EDIL3: variants seen among roughly 807,000 people sequenced by gnomAD.
The protein encoded by EDIL3 is EGF like and discoidin domains 3.
A neutral mutation model predicts 67.4 loss-of-function variants in EDIL3; 37 were observed. The ratio of observed to expected loss-of-function variants is 0.55; its 90% CI spans 0.42 to 0.72. The LOEUF is 0.72. Ranked by LOEUF, EDIL3 falls within the 30% of genes least tolerant of loss-of-function variation. The pLI, the probability that EDIL3 is intolerant of heterozygous loss-of-function variation, is 0.00. For synonymous variants in EDIL3, 195 were observed against 196.3 expected, an observed-to-expected ratio of 0.99 and a Z score of 0.05; for missense variants, 527 against 586.3, an observed-to-expected ratio of 0.90 and a Z score of 1.04.
At chr5:84,066,134 G>T (rs1164877416) in intron 7 of EDIL3, among the ~76,000 whole-genome samples, 1 of 142,598 alleles carries the variant, frequency 7.0e-6, no homozygotes, top group East Asian at 2.0e-4. Context: ...AAAAAAAAAA[G>T]TGCGTTAATC....
intron 6 of EDIL3, among the ~76,000 whole-genome samples, 199 bp from the exon 7 acceptor site, chr5:84,066,805 T>G (rs542833293): frequency 6.6e-6 from 1 of 152,342 alleles, no homozygotes; most frequent in African/African-American, 2.4e-5. Context: ...AATACTATTT[T>G]TAAGTAAACA....
At chr5:83,961,671 TA>T (rs1034947892) in intron 10 of EDIL3, among the ~76,000 whole-genome samples, 13 of 151,236 alleles carry the variant, frequency 8.6e-5, no homozygotes, top group African/African-American at 3.1e-4. Context: ...TTATGAAGTT[TA>T]AAAAAATTCA....
Position 84,064,792 on chromosome 5 carries a change from G to T in EDIL3, c.860C>A (p.Pro287His). 4 of 1,613,482 alleles carry T rather than the reference G, an allele frequency of 2.5e-6. No homozygotes were observed. The highest frequency in any genetic ancestry group is 3.4e-6 in the Non-Finnish European group (4 of 1,179,648). The change falls in exon 8 of 11, where the codon CCC becomes CAC. Residue 287 changes from proline to histidine, a missense_variant. Coordinates refer to ENST00000296591, the MANE Select transcript of EDIL3 (RefSeq NM_005711.5). ...TCTTACATACTGAGCTTTTATGGGGGGTGTGAAAGAGTTAGCATATGGAGT... is the reference window on the plus strand; with the variant it reads ...TCTTACATACTGAGCTTTTATGGGGTGTGTGAAAGAGTTAGCATATGGAGT... ...NNTPYANSFTPPIKAQYVRLY... is the reference protein window; with the variant it reads ...NNTPYANSFTHPIKAQYVRLY...
At chr5:84,029,591 C>G (rs1745880734) in intron 9 of EDIL3, among the ~76,000 whole-genome samples, 1 of 152,092 alleles carries the variant, frequency 6.6e-6, no homozygotes, top group South Asian at 2.1e-4. Context: ...ATGCTTTTAT[C>G]AAAGGGAGTA....
chr5:84,170,509 A>T (rs533548438), intron 4 of EDIL3, among the ~76,000 whole-genome samples: 1 of 152,218 alleles, frequency 6.6e-6, no homozygotes, highest in African/African-American at 2.4e-5. Flanking sequence ...AAAAATAGTA[A>T]GTAAGCTCTC....
At chr5:84,294,188 C>G (rs1745989150) in intron 1 of EDIL3, among the ~76,000 whole-genome samples, 1 of 150,326 alleles carries the variant, frequency 6.7e-6, no homozygotes, top group African/African-American at 2.5e-5. Context: ...TCGAGACCAT[C>G]CTGGCTAACA....
At chr5:84,112,956 A>T (rs1488981730) in intron 5 of EDIL3, among the ~76,000 whole-genome samples, 1 of 152,198 alleles carries the variant, frequency 6.6e-6, no homozygotes, top group African/African-American at 2.4e-5. Context: ...TTACACTTAC[A>T]TGCTCTCAAA....
chr5:84,034,543 C>T lies in EDIL3; in HGVS notation c.1137+25757G>A, dbSNP rs148540127. Among the ~76,000 whole-genome samples the T allele has an allele frequency of 2.1e-3, 324 of 152,280 alleles. 3 individuals carry two copies. The highest frequency in any genetic ancestry group is 7.5e-3 in the African/African-American group (311 of 41,550). On this transcript the variant is annotated intron_variant, in intron 9 of 10. Coordinates refer to ENST00000296591, the MANE Select transcript of EDIL3 (RefSeq NM_005711.5). ...CTGCAAAAAACAAATCTGTCTTCGA[C>T]CCATCTTAGAATGGCCCTTGCTATA...
At chr5:84,277,901 C>T (rs897250942) in intron 1 of EDIL3, among the ~76,000 whole-genome samples, 2 of 151,982 alleles carry the variant, frequency 1.3e-5, no homozygotes, top group African/African-American at 4.8e-5. Flanking sequence ...GTCCTTTTAC[C>T]GTAGTATACC....
rs1009441009 is a variant in EDIL3, at chr5:84,384,615, G to A, written c.-241C>T. 6 of 325,428 alleles carry A rather than the reference G, an allele frequency of 1.8e-5. No individual in the cohort carries two copies. Among genetic ancestry groups the A allele is most frequent in the Non-Finnish European group, 3.3e-5 (6 of 180,358 alleles). The allele number at this position is 325,428 out of a possible 1,614,324, so 20.2% of individuals were successfully genotyped here. A position where few individuals can be genotyped will look rare whatever the true frequency, so the allele number is the denominator to read the frequency against. ...GCGCGCGGAGGTGGGTGAGCTCCGGGGAGCCGCCGGCGGGCTCAGCCCTCC... is the reference window on the plus strand; with the variant it reads ...GCGCGCGGAGGTGGGTGAGCTCCGGAGAGCCGCCGGCGGGCTCAGCCCTCC... On this transcript the variant is annotated 5_prime_UTR_variant, in exon 1 of 11. Transcript: ENST00000296591.
intron 1 of EDIL3, among the ~76,000 whole-genome samples, chr5:84,339,277 C>T (rs1747048791): frequency 6.6e-6 from 1 of 152,086 alleles, no homozygotes; most frequent in Non-Finnish European, 1.5e-5. Flanking sequence ...CTTCATAGGG[C>T]AGTAGTAAGG....
intron 3 of EDIL3, among the ~76,000 whole-genome samples, chr5:84,191,767 G>A (rs1241457902): frequency 6.6e-6 from 1 of 151,890 alleles, no homozygotes; most frequent in African/African-American, 2.4e-5. Flanking sequence ...AACAGCAACA[G>A]TTAACTTTGT....
chr5:83,978,207 T>C lies in EDIL3; in HGVS notation c.1138-14847A>G, dbSNP rs575777753. Among the ~76,000 whole-genome samples, 8 of 152,022 alleles carry C rather than the reference T, an allele frequency of 5.3e-5. No homozygotes were observed. The South Asian group carries it at 1.7e-3, about 31-fold the overall frequency. The stretch of plus-strand genomic sequence containing the variant: ...GGAAATCTGTAACATTTCTATCCAC[T>C]AGGCTCATCCAAATAGAAAATGTAA... On this transcript the variant is annotated intron_variant, in intron 9 of 10. Transcript: ENST00000296591.
intron 9 of EDIL3, among the ~76,000 whole-genome samples, chr5:84,032,183 A>G (rs974105462): frequency 6.6e-6 from 1 of 152,210 alleles, no homozygotes; most frequent in African/African-American, 2.4e-5. Context: ...TTCCATATTG[A>G]ACATAATTAG....
At chr5:84,288,594 G>A (rs574488077) in intron 1 of EDIL3, among the ~76,000 whole-genome samples, 5 of 152,136 alleles carry the variant, frequency 3.3e-5, no homozygotes, top group African/African-American at 4.8e-5. Flanking sequence ...GCTTCACATC[G>A]TCCTGTCACC....
chr5:83,951,254 A>G (rs1744415885), intron 10 of EDIL3, among the ~76,000 whole-genome samples: 1 of 151,746 alleles, frequency 6.6e-6, no homozygotes, highest in African/African-American at 2.4e-5. Context: ...TTCCATTCCC[A>G]TTGTTGCTCT....
At chr5:83,999,334 A>T (rs1745285080) in intron 9 of EDIL3, among the ~76,000 whole-genome samples, 1 of 152,212 alleles carries the variant, frequency 6.6e-6, no homozygotes, top group Admixed American at 6.5e-5. Context: ...GGAGTGACAG[A>T]GATAATCAAA....
intron 3 of EDIL3, among the ~76,000 whole-genome samples, chr5:84,192,208 T>C (rs1743605019): frequency 6.6e-6 from 1 of 151,686 alleles, no homozygotes; most frequent in African/African-American, 2.4e-5. Context: ...AACTATATTA[T>C]TGGGATAGTG....
intron 9 of EDIL3, among the ~76,000 whole-genome samples, chr5:83,980,967 C>T (rs1467313077): frequency 4.6e-5 from 7 of 151,948 alleles, no homozygotes; most frequent in African/African-American, 1.4e-4. Flanking sequence ...GTAAAAACTA[C>T]AAAACATTGT....
Sources: gnomAD v4.1 joint callset for allele counts (sites outside exome capture counted in the v4.1 genomes callset) on GRCh38, gnomAD v4.1.1 for gene constraint, MANE v1.5 for transcripts, NCBI Gene and HGNC (gene_info 2026-07-23, HGNC 2026-07-21) for gene names.